GALK2: variants seen among roughly 807,000 people sequenced by gnomAD.
The protein encoded by GALK2 is N-acetylgalactosamine kinase.
Under a neutral mutation model 52.4 loss-of-function variants are expected in GALK2, and 36 were observed. The observed-to-expected ratio is 0.69, with a 90% CI of 0.53 to 0.91. GALK2 has a LOEUF of 0.91. GALK2 is among the 40% of genes least tolerant of loss of function. The probability of loss-of-function intolerance (pLI) is 0.00; values close to 1 mark genes in which losing one functional copy is unlikely to be tolerated. For synonymous variants in GALK2, 176 were observed against 199.1 expected (o/e 0.88, Z 0.98); for missense variants, 579 against 559.1 (o/e 1.04, Z -0.36).
rs1336714553 is a variant in GALK2, at chr15:49,330,369, T to C, written c.*2210T>C. On this transcript the variant is annotated 3_prime_UTR_variant, in exon 10 of 10. Transcript: ENST00000560031. ...GCCACATCTGGTCTGCAGATGTATA[T>C]AGTTTGGCCCACAGAATGACTAAAA... 6 of 152,184 alleles carry C rather than the reference T, an allele frequency of 3.9e-5. No individual in the cohort carries two copies. Among genetic ancestry groups the C allele is most frequent in the African/African-American group, 1.4e-4 (6 of 41,434 alleles). 9.4% of individuals were successfully genotyped at this position (152,184 alleles called of 1,614,324 possible).
intron 8 of GALK2, among the ~76,000 whole-genome samples, chr15:49,296,081 G>A (rs1451264107): frequency 6.6e-6 from 1 of 152,038 alleles, no homozygotes; most frequent in Non-Finnish European, 1.5e-5. Context: ...AATGAGGCAT[G>A]CTTCATCTTA....
chr15:49,339,052 C>T (rs998539246), intron 3 of GALK2, among the ~76,000 whole-genome samples: 1 of 152,152 alleles, frequency 6.6e-6, no homozygotes, highest in Non-Finnish European at 1.5e-5. Context: ...AGGTTCTTAG[C>T]TTGCTTGCAT....
chr15:49,204,670 A>AT (rs2088113448), intron 2 of GALK2, among the ~76,000 whole-genome samples: 1 of 151,824 alleles, frequency 6.6e-6, no homozygotes, highest in African/African-American at 2.4e-5. Flanking sequence ...GATTTTAAAA[A>AT]TTTTTTCAAA....
chr15:49,285,251 C>G (rs1272364356), intron 7 of GALK2, among the ~76,000 whole-genome samples: 1 of 152,138 alleles, frequency 6.6e-6, no homozygotes, highest in Non-Finnish European at 1.5e-5. Flanking sequence ...ACCAGTCTTT[C>G]CCTCTTGAAA....
intron 4 of GALK2, among the ~76,000 whole-genome samples, chr15:49,238,618 G>A (rs369470410): frequency 2.8e-4 from 43 of 152,258 alleles, no homozygotes; most frequent in South Asian, 4.1e-4. Context: ...CCCTACTCTC[G>A]TCTCCCTATG....
intron 5 of GALK2, among the ~76,000 whole-genome samples, chr15:49,264,540 A>G (rs2092279875): frequency 1.3e-5 from 2 of 152,174 alleles, no homozygotes. Context: ...AGCTCAGAGT[A>G]ATTTGATCGT....
At position 49,207,922 on chromosome 15, in the gene GALK2, A is replaced by T. The variant is rs184022431; in HGVS notation, c.142+6672A>T. On this transcript the variant is annotated intron_variant, in intron 2 of 9. Coordinates refer to ENST00000560031, the MANE Select transcript of GALK2 (RefSeq NM_002044.4). ...TGAGTAGCTAGGATTACAGGCACCC[A>T]CCACCATGCCCAGCTAATTTTTGTA... Among the ~76,000 whole-genome samples the T allele has an allele frequency of 7.8e-3, 1,185 of 152,088 alleles. 23 individuals carry two copies. Among genetic ancestry groups the T allele is most frequent in the South Asian group, 5.2e-3 (25 of 4,814 alleles).
chr15:49,230,043 C>T (rs1299493147), intron 3 of GALK2, among the ~76,000 whole-genome samples: 2 of 152,128 alleles, frequency 1.3e-5, no homozygotes, highest in Non-Finnish European at 2.9e-5. Flanking sequence ...CAGTGGCTTA[C>T]ATTTTGGCTC....
intron 5 of GALK2, among the ~76,000 whole-genome samples, chr15:49,260,289 G>A (rs1464045635): frequency 6.6e-6 from 1 of 152,118 alleles, no homozygotes; most frequent in Non-Finnish European, 1.5e-5. Flanking sequence ...GGTGTGAGAT[G>A]GTATCTCATT....
chr15:49,177,709 C>T (rs535986092), intron 1 of GALK2: 11 of 680,002 alleles, frequency 1.6e-5, no homozygotes, highest in Admixed American at 5.2e-5. Context: ...ACGGATCTTT[C>T]GGCCTGCAGA....
At chr15:49,221,769 G>A (rs928779282) in intron 3 of GALK2, among the ~76,000 whole-genome samples, 4 of 152,034 alleles carry the variant, frequency 2.6e-5, no homozygotes, top group African/African-American at 7.2e-5. Context: ...ACTTGTGTCT[G>A]TTTTGATACC....
At chr15:49,228,677 A>ATG (rs1566957843) in intron 3 of GALK2, among the ~76,000 whole-genome samples, 11 of 11,042 alleles carry the variant, frequency 1.0e-3, no homozygotes, top group South Asian at 3.6e-3. Flanking sequence ...ATATATATAT[A>ATG]TATATATATA....
intron 5 of GALK2, among the ~76,000 whole-genome samples, chr15:49,241,404 G>A (rs527516624): frequency 1.3e-5 from 2 of 152,262 alleles, no homozygotes; most frequent in South Asian, 2.1e-4. Context: ...TGAAGGGATT[G>A]AGGAGTAGTC....
chr15:49,212,312 T>C (rs1278732353), intron 2 of GALK2, among the ~76,000 whole-genome samples: 1 of 149,792 alleles, frequency 6.7e-6, no homozygotes, highest in Non-Finnish European at 1.5e-5. Context: ...AGGCTGGTCT[T>C]GAACGCCTGG....
intron 1 of GALK2, among the ~76,000 whole-genome samples, chr15:49,194,589 TTTTTC>T (rs1397425262): frequency 1.3e-5 from 2 of 151,996 alleles, no homozygotes; most frequent in East Asian, 1.9e-4. Flanking sequence ...TACATATTTG[TTTTTC>T]TTTTCTTTTT....
rs1308765191 is a variant in GALK2 at position 49,330,620 on chromosome 15, A to G, written c.*2461A>G. The G allele has an allele frequency of 1.3e-5, 2 of 152,094 alleles. No homozygotes were observed. The highest frequency in any genetic ancestry group is 2.9e-5 in the Non-Finnish European group (2 of 68,028). 9.4% of individuals were successfully genotyped at this position (152,094 alleles called of 1,614,324 possible). ...GTATAATAGTTTCCCTGACACTCAA[A>G]TCATTTACCACTTACCAGCTGAGGT... On this transcript the variant is annotated 3_prime_UTR_variant, in exon 10 of 10. Transcript: ENST00000560031.
At chr15:49,175,665 A>T (rs1421757294) in intron 1 of GALK2, among the ~76,000 whole-genome samples, 6 of 152,118 alleles carry the variant, frequency 3.9e-5, no homozygotes. Context: ...GGAGGCGACC[A>T]CCTCTCATAT....
intron 5 of GALK2, among the ~76,000 whole-genome samples, chr15:49,239,743 A>G (rs1336512495): frequency 1.3e-5 from 2 of 152,238 alleles, no homozygotes; most frequent in African/African-American, 4.8e-5. Context: ...AGTGGGTTAC[A>G]AGGGTAAAGA....
chr15:49,160,090 A>G (rs28539950), intron 1 of GALK2, among the ~76,000 whole-genome samples: 50,353 of 151,812 alleles, frequency 0.33, 9,038 homozygotes, highest in East Asian at 0.58. Flanking sequence ...CCTGGCCAAC[A>G]TGGAGAAATC....
Sources: gnomAD v4.1 joint callset for allele counts (sites outside exome capture counted in the v4.1 genomes callset) on GRCh38, gnomAD v4.1.1 for gene constraint, MANE v1.5 for transcripts, NCBI Gene and HGNC (gene_info 2026-07-23, HGNC 2026-07-21) for gene names.